Variants in ELL3 observed in about 807,000 individuals in gnomAD.
The protein encoded by ELL3 is RNA polymerase II elongation factor ELL3.
ELL3 carries 48 observed loss-of-function variants against 58.5 expected under a neutral mutation model. The observed-to-expected ratio is 0.82, with a 90% CI of 0.65 to 1.04. The LOEUF (loss-of-function observed/expected upper bound fraction) is 1.04, where lower values mean the gene tolerates loss of function less well. Among genes scored for constraint, ELL3 ranks in the 50% least tolerant of loss-of-function variants. ELL3 has a pLI of 0.00. For missense variants in ELL3, 458 were observed against 478.4 expected, an observed-to-expected ratio of 0.96 and a Z score of 0.40; for synonymous variants, 174 against 173.2, an observed-to-expected ratio of 1.00 and a Z score of -0.04.
At chr15:43,775,970 G>A (rs2086912747) in intron 3 of ELL3, 47 bp from the exon 4 acceptor site, 24 of 1,610,912 alleles carry the variant, frequency 1.5e-5, no homozygotes, top group Non-Finnish European at 2.0e-5. Context: ...GACCTCTTAA[G>A]CACCTCTCCA....
intron 9 of ELL3, 48 bp downstream of exon 9, chr15:43,774,134 G>C: frequency 1.2e-6 from 2 of 1,600,650 alleles, no homozygotes; most frequent in Non-Finnish European, 1.7e-6. Context: ...GTTAGCAGGG[G>C]GTTAATGGCC....
Position 43,773,210 on chromosome 15 carries a change from C to T in ELL3, c.1100G>A (p.Arg367Lys), listed in dbSNP as rs1413215973. The T allele has an allele frequency of 6.2e-7, 1 of 1,613,844 alleles. No individual in the cohort carries two copies. The change falls in exon 11 of 11, where the codon AGA becomes AAA. Residue 367 changes from arginine to lysine, a missense_variant. By Grantham distance (26) the Arg-to-Lys change is conservative. Transcript: ENST00000319359. ...KKFRKQYPSY[R>K]EEKRRCEYLH... ...GTACTCACAGCGACGCTTTTCTTCT[C>T]TGTAACTTGGGTACTGCTGCAGAGA... is the stretch of plus-strand genomic sequence containing the variant.
At chr15:43,776,414 T>A (rs571274466) in intron 2 of ELL3, 95 bp downstream of exon 2, 1 of 1,535,902 alleles carries the variant, frequency 6.5e-7, no homozygotes, top group Admixed American at 2.0e-5. Flanking sequence ...CCGTGACTAC[T>A]CGCAGCCTCC....
At position 43,773,155 on chromosome 15, in the gene ELL3, A is replaced by T; in HGVS notation, c.1155T>A (p.Gly385=). The change falls in exon 11 of 11, where the codon GGT becomes GGA. Residue 385 remains glycine (G), a synonymous_variant. Coordinates refer to ENST00000319359, the MANE Select transcript of ELL3 (RefSeq NM_025165.3). ...YLHQKLSHIK[G]LILEFEEKNR... is the part of the protein sequence containing the mutation. ...TCTTTTCCTCAAACTCCAGGATGAG[A>T]CCTTTAATGTGGGACAATTTCTGGT... 1 of 1,613,544 alleles carries T rather than the reference A, an allele frequency of 6.2e-7. No individual in the cohort carries two copies. The highest frequency in any genetic ancestry group is 1.3e-5 in the African/African-American group (1 of 74,974).
At chr15:43,776,415 C>T in intron 2 of ELL3, 94 bp downstream of exon 2, 1 of 1,536,630 alleles carries the variant, frequency 6.5e-7, no homozygotes. Context: ...CGTGACTACT[C>T]GCAGCCTCCG....
Position 43,776,481 on chromosome 15 carries a change from C to T in ELL3, c.168+28G>A, listed in dbSNP as rs537296971. On this transcript the variant is annotated intron_variant, in intron 2 of 10. Transcript: ENST00000319359. ...CGTTTATGCTCCCTCGCCCTCACCT[C>T]GCTCACACACCCTGAGCTCGCACTT... The T allele has an allele frequency of 3.8e-6, 6 of 1,559,420 alleles. No individual in the cohort carries two copies. In the Admixed American group the frequency reaches 7.7e-5, roughly 20 times the overall value.
intron 6 of ELL3, 107 bp from the exon 7 acceptor site, chr15:43,774,880 C>A: frequency 1.6e-6 from 2 of 1,260,660 alleles, no homozygotes; most frequent in Non-Finnish European, 2.1e-6. Context: ...TACCTGTAAT[C>A]CTGACCGTTT....
Position 43,776,548 on chromosome 15 carries a change from C to T in ELL3, c.133-4G>A, listed in dbSNP as rs758500765. 4 of 1,566,484 alleles carry T rather than the reference C, an allele frequency of 2.6e-6. No individual in the cohort carries two copies. Among genetic ancestry groups the T allele is most frequent in the East Asian group, 2.4e-5 (1 of 42,524 alleles). Reference sequence around the variant, plus strand: ...GGAAAGCAATCACCGGCCGTACCTGCGGGGAGAGCGAAGATGTGACCGTTG... The same window carrying T: ...GGAAAGCAATCACCGGCCGTACCTGTGGGGAGAGCGAAGATGTGACCGTTG... On this transcript the variant is annotated splice_polypyrimidine_tract_variant and splice_region_variant and intron_variant, in intron 1 of 10. Coordinates refer to ENST00000319359, the MANE Select transcript of ELL3 (RefSeq NM_025165.3).
chr15:43,776,006 AC>A (rs1567162037), intron 3 of ELL3, 32 bp downstream of exon 3: 4 of 1,613,012 alleles, frequency 2.5e-6, no homozygotes, highest in Non-Finnish European at 3.4e-6. Flanking sequence ...CTTTCCACAA[AC>A]CCTTTCTTGC....
chr15:43,774,394 C>T, intron 8 of ELL3, 41 bp from the exon 9 acceptor site: 2 of 1,613,554 alleles, frequency 1.2e-6, no homozygotes, highest in Non-Finnish European at 1.7e-6. Flanking sequence ...TTTCATTGCC[C>T]CTGAAAAGCC....
chr15:43,774,241 T>C lies in ELL3; in HGVS notation c.979A>G (p.Arg327Gly), dbSNP rs1253587998. ...ATCTCTGCTCCCAGCTCTATGAACC[T>C]TTGGCTTGCAGTCCCAACACGGGCA... is the stretch of plus-strand genomic sequence containing the variant. ...LHARVGTASQ[R>G]FIELGAEIKR... Residue 327 changes from arginine (R) to glycine (G), a missense_variant, in exon 9 of 11, where the codon AGG (arginine) becomes GGG (glycine). Transcript: ENST00000319359. 1 of 1,614,172 alleles carries C rather than the reference T, an allele frequency of 6.2e-7. No homozygotes were observed. The highest frequency in any genetic ancestry group is 8.5e-7 in the Non-Finnish European group (1 of 1,180,028).
At position 43,773,220 on chromosome 15, in the gene ELL3, G is replaced by T. The variant is rs201925715; in HGVS notation, c.1090C>A (p.Pro364Thr). The change falls in exon 11 of 11, where the codon CCA becomes ACA. Residue 364 changes from proline to threonine, a missense_variant. Transcript: ENST00000319359. ...CGACGCTTTTCTTCTCTGTAACTTG[G>T]GTACTGCTGCAGAGAAAAAGCATCC... The part of the protein sequence containing the change: ...QEYKKFRKQY[P>T]SYREEKRRCE... 2.9e-5 allele frequency: 46 copies of T among 1,613,654 alleles called. No individual in the cohort carries two copies. Among genetic ancestry groups the T allele is most frequent in the Non-Finnish European group, 3.7e-5 (44 of 1,179,922 alleles).
chr15:43,775,654 GGGATACCTT>G, intron 4 of ELL3, 44 bp from the exon 5 acceptor site: 11 of 1,613,812 alleles, frequency 6.8e-6, no homozygotes, highest in Non-Finnish European at 9.3e-6. Context: ...CTGGAGTACT[GGGATACCTT>G]GGACTTCAGG....
chr15:43,773,057 T>C lies in ELL3; in HGVS notation c.*59A>G. ...AGATAGTTGCATTCTATTTAGTTTA[T>C]AGCTGCTTTGTTCCTTTGTGTTTCA... On this transcript the variant is annotated 3_prime_UTR_variant, in exon 11 of 11. Transcript: ENST00000319359. 6.9e-7 allele frequency: 1 copy of C among 1,455,202 alleles called. No homozygotes were observed. Among genetic ancestry groups the C allele is most frequent in the Non-Finnish European group, 9.3e-7 (1 of 1,071,282 alleles). 90.1% of individuals were successfully genotyped at this position (1,455,202 alleles called of 1,614,324 possible).
At position 43,775,305 on chromosome 15, in the gene ELL3, C is replaced by A. The variant is rs1189048671; in HGVS notation, c.645+1G>T. On this transcript the variant is annotated splice_donor_variant, in intron 6 of 10. Transcript: ENST00000319359. LOFTEE classifies it high-confidence loss of function. The stretch of plus-strand genomic sequence containing the variant: ...AAAAAGCCCTTGCCATTCTAACTTA[C>A]CTTGTCCAGACGTTTCCGGCTGGCA... 7 of 1,604,390 alleles carry A rather than the reference C, an allele frequency of 4.4e-6. No individual in the cohort carries two copies. Among genetic ancestry groups the A allele is most frequent in the Admixed American group, 1.7e-5 (1 of 58,550 alleles).
At chr15:43,774,065 T>G in intron 9 of ELL3, 117 bp downstream of exon 9, 1 of 1,349,598 alleles carries the variant, frequency 7.4e-7, no homozygotes, top group South Asian at 1.4e-5. Flanking sequence ...AATTTTTCCC[T>G]TCAAACAGGT....
In ELL3 at chr15:43,774,623, A is replaced by G. The variant is rs2086901234; in HGVS notation, c.796T>C (p.Leu266=). The part of the protein sequence containing the change: ...EQEDEDMDPR[L]EHSSSVQEDS... ...TCTTGAACTGAGGAACTGTGTTCTA[A>G]TCTGGGGTCCATGTCCTCATCTTCT... The change falls in exon 7 of 11, where the codon TTA becomes CTA. Residue 266 remains leucine (L), a synonymous_variant. Coordinates refer to ENST00000319359, the MANE Select transcript of ELL3 (RefSeq NM_025165.3). 6.2e-7 allele frequency: 1 copy of G among 1,614,132 alleles called. No homozygotes were observed. The highest frequency in any genetic ancestry group is 2.2e-5 in the East Asian group (1 of 44,886).
At chr15:43,776,310 G>T in intron 2 of ELL3, 159 bp from the exon 3 acceptor site, 1 of 1,106,368 alleles carries the variant, frequency 9.0e-7, no homozygotes, top group South Asian at 1.4e-5. Flanking sequence ...CCAGGAGGCC[G>T]AAACAGCACA....
At chr15:43,776,323 C>T (rs1241734263) in intron 2 of ELL3, 172 bp from the exon 3 acceptor site, 2 of 1,126,884 alleles carry the variant, frequency 1.8e-6, no homozygotes, top group East Asian at 2.6e-5. Flanking sequence ...ACAGCACAGT[C>T]CCCTCAAACC....
Sources: gnomAD v4.1 joint callset for allele counts on GRCh38, gnomAD v4.1.1 for gene constraint, MANE v1.5 for transcripts, NCBI Gene and HGNC (gene_info 2026-07-23, HGNC 2026-07-21) for gene names.